Variants in FBXO30 observed in about 807,000 individuals in gnomAD.
FBXO30 encodes F-box protein 30.
Under a neutral mutation model 58.1 loss-of-function variants are expected in FBXO30, and 21 were observed. The ratio of observed to expected loss-of-function variants is 0.36; its 90% CI spans 0.26 to 0.52. The LOEUF is 0.52. Ranked by LOEUF, FBXO30 falls within the 20% of genes least tolerant of loss-of-function variation. The pLI is 0.93. For missense variants in FBXO30, 744 were observed against 897.3 expected (o/e 0.83, Z 2.18); for synonymous variants, 309 against 312.4 (o/e 0.99, Z 0.11).
At chr6:145,807,333 T>C (rs916909206) in intron 1 of FBXO30, among the ~76,000 whole-genome samples, 7 of 152,182 alleles carry the variant, frequency 4.6e-5, no homozygotes, top group African/African-American at 1.7e-4. Context: ...CACAGTAGTC[T>C]TGAAAGAGAA....
At chr6:145,807,953 C>A (rs1411137084) in intron 1 of FBXO30, among the ~76,000 whole-genome samples, 1 of 151,852 alleles carries the variant, frequency 6.6e-6, no homozygotes, top group African/African-American at 2.4e-5. Context: ...CATAGCAAGA[C>A]CCTGTCTCTA....
At chr6:145,809,561 C>T (rs1778277713) in intron 1 of FBXO30, among the ~76,000 whole-genome samples, 1 of 152,100 alleles carries the variant, frequency 6.6e-6, no homozygotes, top group Non-Finnish European at 1.5e-5. Context: ...AAAGCAAAAA[C>T]AGCAATAATT....
At chr6:145,808,236 A>C (rs1778235927) in intron 1 of FBXO30, among the ~76,000 whole-genome samples, 1 of 127,352 alleles carries the variant, frequency 7.9e-6, no homozygotes, top group African/African-American at 3.2e-5. Context: ...ACTGAAAACC[A>C]CCAAAAAAAA....
rs760550203 is a variant in FBXO30 at position 145,805,824 on chromosome 6, A to G, written c.582T>C (p.Ala194=). ...CAGTATTCAGGATATCCAAAGCAGC[A>G]GCCAAACTTCTGGTTGTTTCTACAG... The part of the protein sequence containing the change: ...QATVETTRSL[A]AALDILNTAT... Residue 194 remains alanine (A), a synonymous_variant, in exon 2 of 3, where the codon GCT becomes GCC. Transcript: ENST00000237281. The G allele has an allele frequency of 5.0e-6, 8 of 1,614,100 alleles. No homozygotes were observed. In the South Asian group the frequency reaches 7.7e-5, roughly 16 times the overall value.
chr6:145,806,706 C>A (rs1468789351), intron 1 of FBXO30, among the ~76,000 whole-genome samples: 4 of 152,168 alleles, frequency 2.6e-5, no homozygotes, highest in African/African-American at 9.6e-5. Context: ...TCAAAATATA[C>A]TATTTAAATT....
rs1199991802 is a variant in FBXO30, at chr6:145,795,504, TGTTTTCTTC to T, written c.*4593_*4601del. On this transcript the variant is annotated 3_prime_UTR_variant, in exon 3 of 3. Coordinates refer to ENST00000237281, the MANE Select transcript of FBXO30 (RefSeq NM_032145.5). ...TTATGTTGTCAGTTCACTTCAAAAA[TGTTTTCTTC>T]ATAGTAAAAGACAGATGCTTCCGTC... is the stretch of plus-strand genomic sequence containing the variant. 1 of 152,036 alleles carries T rather than the reference TGTTTTCTTC, an allele frequency of 6.6e-6. No individual in the cohort carries two copies. Among genetic ancestry groups the T allele is most frequent in the East Asian group, 1.9e-4 (1 of 5,186 alleles). The allele number at this position is 152,036 out of a possible 1,614,324, so 9.4% of individuals were successfully genotyped here. A position where few individuals can be genotyped will look rare whatever the true frequency, so the allele number is the denominator to read the frequency against.
chr6:145,810,295 C>A (rs1017679527), intron 1 of FBXO30, among the ~76,000 whole-genome samples: 1 of 151,936 alleles, frequency 6.6e-6, no homozygotes, highest in Non-Finnish European at 1.5e-5. Context: ...GGAATAGAAT[C>A]CTCAGCTTCA....
Position 145,799,886 on chromosome 6 carries a change from C to A in FBXO30, c.*220G>T. ...ATTATGTAGCTAAAAATTAAATCAC[C>A]CTGTCCAGCAAGTTCCAAAAATTTC... On this transcript the variant is annotated 3_prime_UTR_variant, in exon 3 of 3. Transcript: ENST00000237281. 8.7e-6 allele frequency: 3 copies of A among 342,860 alleles called. No individual in the cohort carries two copies. Among genetic ancestry groups the A allele is most frequent in the Non-Finnish European group, 1.6e-5 (3 of 188,908 alleles). 21.2% of individuals were successfully genotyped at this position (342,860 alleles called of 1,614,324 possible). A position where few individuals can be genotyped will look rare whatever the true frequency, so the allele number is the denominator to read the frequency against.
Position 145,804,710 on chromosome 6 carries a change from G to A in FBXO30, c.1696C>T (p.Gln566Ter). 1.2e-6 allele frequency: 2 copies of A among 1,613,914 alleles called. No individual in the cohort carries two copies. The highest frequency in any genetic ancestry group is 1.7e-6 in the Non-Finnish European group (2 of 1,179,902). ...TGTATTGATGGACAAAATCTACGCT[G>A]AGAATAGGTACAACCATAGTAAGCT... ...PLAYYGCTYSQRRFCPSIQGA... is the reference protein window; with the variant it reads ...PLAYYGCTYS Residue 566 changes from glutamine to a stop codon, truncating the protein, a stop_gained, in exon 2 of 3, where the codon CAG becomes TAG. Transcript: ENST00000237281. LOFTEE classifies it high-confidence loss of function.
At chr6:145,807,140 G>GCA (rs1156963061) in intron 1 of FBXO30, among the ~76,000 whole-genome samples, 1 of 152,172 alleles carries the variant, frequency 6.6e-6, no homozygotes, top group Non-Finnish European at 1.5e-5. Flanking sequence ...CATGGACCAT[G>GCA]CACTGTGTTT....
rs770850397 is a variant in FBXO30, at chr6:145,805,256, T to C, written c.1150A>G (p.Ser384Gly). The change falls in exon 2 of 3, where the codon AGT becomes GGT. Residue 384 changes from serine (S) to glycine (G), a missense_variant. Around this residue, in one of 3 missense-constraint regions of FBXO30, gnomAD observed 275 missense variants for 262.0 expected, o/e 1.05. Coordinates refer to ENST00000237281, the MANE Select transcript of FBXO30 (RefSeq NM_032145.5). The part of the protein sequence containing the change: ...DVKNVDVLSF[S>G]HAPSFNFLSN... The stretch of plus-strand genomic sequence containing the variant: ...AGAAAATTGAATGAAGGAGCATGAC[T>C]GAAAGATAAGACATCCACATTCTTC... The C allele has an allele frequency of 5.0e-5, 81 of 1,613,972 alleles. No individual in the cohort carries two copies. The highest frequency in any genetic ancestry group is 6.4e-5 in the Non-Finnish European group (75 of 1,179,974).
chr6:145,801,448 C>T (rs1184282493), intron 2 of FBXO30, among the ~76,000 whole-genome samples: 1 of 151,652 alleles, frequency 6.6e-6, no homozygotes, highest in Non-Finnish European at 1.5e-5. Context: ...CATCAGTTAT[C>T]GTTAGTGTAT....
In FBXO30 at chr6:145,804,393, T is replaced by C; in HGVS notation, c.2013A>G (p.Ser671=). 1 of 1,612,710 alleles carries C rather than the reference T, an allele frequency of 6.2e-7. No homozygotes were observed. Among genetic ancestry groups the C allele is most frequent in the Non-Finnish European group, 8.5e-7 (1 of 1,179,306 alleles). The part of the protein sequence containing the change: ...WGKRKYPEGN[S]SWQIKEKVWR... ...TAACCTTTTCTTTTATCTGCCATGA[T>C]GAATTTCCTTCTGGATACTTCCTTT... is the stretch of plus-strand genomic sequence containing the variant. Residue 671 remains serine (S), a synonymous_variant, in exon 2 of 3, where the codon TCA becomes TCG. Transcript: ENST00000237281.
At position 145,805,529 on chromosome 6, in the gene FBXO30, A is replaced by G; in HGVS notation, c.877T>C (p.Cys293Arg). ...TGATTCTGGTCTATGACCTGGGTAC[A>G]TATATTTTCCAAAGGAAAGCCATTA... ...LCNGFPLENI[C>R]TQVIDQNQNL... The change falls in exon 2 of 3, where the codon TGT becomes CGT. Residue 293 changes from cysteine (C) to arginine (R), a missense_variant. Transcript: ENST00000237281. 2 of 1,606,846 alleles carry G rather than the reference A, an allele frequency of 1.2e-6. No homozygotes were observed. Among genetic ancestry groups the G allele is most frequent in the East Asian group, 4.5e-5 (2 of 44,850 alleles).
intron 2 of FBXO30, among the ~76,000 whole-genome samples, chr6:145,802,205 G>C (rs1778021926): frequency 6.6e-6 from 1 of 152,250 alleles, no homozygotes; most frequent in East Asian, 1.9e-4. Flanking sequence ...GCAACAACTT[G>C]TCAGGTTATG....
At chr6:145,810,424 ACAT>A (rs1778301212) in intron 1 of FBXO30, among the ~76,000 whole-genome samples, 1 of 152,230 alleles carries the variant, frequency 6.6e-6, no homozygotes, top group Non-Finnish European at 1.5e-5. Context: ...AGGTTTAAAA[ACAT>A]CAATCTCTTA....
chr6:145,811,918 G>C (rs1435494309), intron 1 of FBXO30: 6 of 152,136 alleles, frequency 3.9e-5, no homozygotes, highest in Non-Finnish European at 7.4e-5. Flanking sequence ...TTAGTGCATA[G>C]TACCTCTGGT....
At position 145,798,309 on chromosome 6, in the gene FBXO30, A is replaced by G. The variant is rs991869837; in HGVS notation, c.*1797T>C. 1 of 152,072 alleles carries G rather than the reference A, an allele frequency of 6.6e-6. No homozygotes were observed. Among genetic ancestry groups the G allele is most frequent in the African/African-American group, 2.4e-5 (1 of 41,440 alleles). 9.4% of individuals were successfully genotyped at this position (152,072 alleles called of 1,614,324 possible). On this transcript the variant is annotated 3_prime_UTR_variant, in exon 3 of 3. Coordinates refer to ENST00000237281, the MANE Select transcript of FBXO30 (RefSeq NM_032145.5). ...AAAAAAGAGAACAGCAAAATGTGTA[A>G]AAGAAATATAAGGTGGAAAAATTGT...
rs1777928432 is a variant in FBXO30, at chr6:145,799,301, T to C, written c.*805A>G. On this transcript the variant is annotated 3_prime_UTR_variant, in exon 3 of 3. Transcript: ENST00000237281. Reference sequence around the variant, plus strand: ...ACAATACGCCCAATTCAAACCTAAATGAGGTATATTTTCTTTTAAAACATT... The same window carrying C: ...ACAATACGCCCAATTCAAACCTAAACGAGGTATATTTTCTTTTAAAACATT... 1 of 152,470 alleles carries C rather than the reference T, an allele frequency of 6.6e-6. No homozygotes were observed. Among genetic ancestry groups the C allele is most frequent in the South Asian group, 2.1e-4 (1 of 4,832 alleles). 9.4% of individuals were successfully genotyped at this position (152,470 alleles called of 1,614,324 possible). A position where few individuals can be genotyped will look rare whatever the true frequency, so the allele number is the denominator to read the frequency against.
Sources: allele counts gnomAD v4.1 joint callset (sites outside exome capture counted in the v4.1 genomes callset), GRCh38; gene constraint gnomAD v4.1.1; regional missense constraint gnomAD v4.1.1; transcripts MANE v1.5; gene names NCBI Gene and HGNC (gene_info 2026-07-23, HGNC 2026-07-21).